Variants in MCTS1 observed in about 807,000 individuals in gnomAD.
MCTS1 encodes malignant T-cell-amplified sequence 1.
For synonymous variants in MCTS1, 26 were observed against 40.8 expected, an observed-to-expected ratio of 0.64 and a Z score of 1.38; for missense variants, 55 against 128.6, an observed-to-expected ratio of 0.43 and a Z score of 2.77.
chrX:120,606,694 G>A (rs1926540630), intron 3 of MCTS1, among the ~76,000 whole-genome samples: 2 of 102,137 alleles, frequency 2.0e-5, no homozygotes, highest in South Asian at 4.6e-4. Flanking sequence ...TGAGGCAGGA[G>A]AATCACTTCA....
At chrX:120,604,757 C>G in intron 1 of MCTS1, 2 of 1,082,651 alleles carry the variant, frequency 1.8e-6, no homozygotes, top group Non-Finnish European at 2.4e-6. Flanking sequence ...ACGATTGCCC[C>G]ATAGGCTATT....
rs956454980 is a variant in MCTS1, at chrX:120,616,061, TAATA to T, written c.*3802_*3805del. 1.8e-5 allele frequency among the ~76,000 whole-genome samples: 2 copies of T among 112,829 alleles called. No individual in the cohort carries two copies. The highest frequency in any genetic ancestry group is 3.7e-5 in the Non-Finnish European group (2 of 53,400). On this transcript the variant is annotated 3_prime_UTR_variant, in exon 6 of 6. Coordinates refer to ENST00000371317, the MANE Select transcript of MCTS1 (RefSeq NM_014060.3). ...CTAAATTCGTGGAGGTGTTTCATTA[TAATA>T]AATATGTCACTTATTAATAATGTAG...
At chrX:120,606,214 C>A in intron 3 of MCTS1, 38 bp downstream of exon 3, 2 of 807,814 alleles carry the variant, frequency 2.5e-6, no homozygotes, top group Non-Finnish European at 3.5e-6. Flanking sequence ...AAATTTTACT[C>A]CTATTGCAAT....
chrX:120,615,401 G>A lies in MCTS1; in HGVS notation c.*3137G>A, dbSNP rs185828504. 1.8e-5 allele frequency among the ~76,000 whole-genome samples: 2 copies of A among 111,502 alleles called. No individual in the cohort carries two copies. The highest frequency in any genetic ancestry group is 3.8e-5 in the Non-Finnish European group (2 of 53,115). On this transcript the variant is annotated 3_prime_UTR_variant, in exon 6 of 6. Coordinates refer to ENST00000371317, the MANE Select transcript of MCTS1 (RefSeq NM_014060.3). ...TAGGTATTTATTGAGTATCTACTAG[G>A]TTCTAAGTGACGTGGCATGAAGATG... is the stretch of plus-strand genomic sequence containing the variant.
chrX:120,609,921 G>C (rs943492506), intron 4 of MCTS1, among the ~76,000 whole-genome samples: 2 of 112,065 alleles, frequency 1.8e-5, no homozygotes, highest in Non-Finnish European at 3.8e-5. Flanking sequence ...AACTTCATAT[G>C]TTAACCAAGA....
At chrX:120,608,510 G>A in intron 4 of MCTS1, 152 bp downstream of exon 4, 1 of 619,505 alleles carries the variant, frequency 1.6e-6, no homozygotes, top group Non-Finnish European at 2.3e-6. Context: ...ATTTGAAGTT[G>A]TACAAAGTAA....
At chrX:120,606,308 G>T (rs1425763316) in intron 3 of MCTS1, 132 bp downstream of exon 3, 2 of 342,531 alleles carry the variant, frequency 5.8e-6, no homozygotes, top group Non-Finnish European at 1.0e-5. Context: ...ATGCATTTGG[G>T]AATACTGAAA....
At chrX:120,606,722 T>C (rs778030931) in intron 3 of MCTS1, among the ~76,000 whole-genome samples, 5 of 101,685 alleles carry the variant, frequency 4.9e-5, no homozygotes, top group Admixed American at 2.3e-4. Context: ...AGGCGGAGGT[T>C]GCAGTGAGCA....
intron 1 of MCTS1, chrX:120,604,882 T>A: frequency 8.7e-7 from 1 of 1,153,463 alleles, no homozygotes; most frequent in East Asian, 3.3e-5. Context: ...GTTTTGTGCA[T>A]GAAATTTTGA....
rs1475561929 is a variant in MCTS1, at chrX:120,614,518, G to T, written c.*2254G>T. Among the ~76,000 whole-genome samples the T allele has an allele frequency of 2.7e-5, 3 of 111,725 alleles. No homozygotes were observed. The highest frequency in any genetic ancestry group is 5.6e-5 in the Non-Finnish European group (3 of 53,159). On this transcript the variant is annotated 3_prime_UTR_variant, in exon 6 of 6. Transcript: ENST00000371317. ...CCTTATGTTATGACAGTTTTATTCT[G>T]CAGCTTACCATATTATTTATTCCTG...
chrX:120,608,182 T>C, intron 3 of MCTS1, 43 bp from the exon 4 acceptor site: 1 of 1,020,164 alleles, frequency 9.8e-7, no homozygotes, highest in Non-Finnish European at 1.3e-6. Flanking sequence ...TTCTGTTGAG[T>C]CATTAGTCTT....
At position 120,616,867 on chromosome X, in the gene MCTS1, A is replaced by G. The variant is rs1926868959; in HGVS notation, c.*4603A>G. On this transcript the variant is annotated 3_prime_UTR_variant, in exon 6 of 6. Coordinates refer to ENST00000371317, the MANE Select transcript of MCTS1 (RefSeq NM_014060.3). ...TGACATGCCTCACTATTAATGTCCA[A>G]TTCTAATTAATGGATTGTTTTAGAA... is the stretch of plus-strand genomic sequence containing the variant. Among the ~76,000 whole-genome samples, 1 of 112,476 alleles carries G rather than the reference A, an allele frequency of 8.9e-6. No homozygotes were observed. Among genetic ancestry groups the G allele is most frequent in the Admixed American group, 9.5e-5 (1 of 10,555 alleles).
At position 120,612,635 on chromosome X, in the gene MCTS1, C is replaced by T. The variant is rs1472558530; in HGVS notation, c.*371C>T. On this transcript the variant is annotated 3_prime_UTR_variant, in exon 6 of 6. Coordinates refer to ENST00000371317, the MANE Select transcript of MCTS1 (RefSeq NM_014060.3). ...GACTAGGAATTTTATTCTATTACTC[C>T]AGGGGACCCAGCAGTGCTCATTCTC... Among the ~76,000 whole-genome samples the T allele has an allele frequency of 2.8e-5, 3 of 107,600 alleles. No individual in the cohort carries two copies. The highest frequency in any genetic ancestry group is 3.8e-5 in the Non-Finnish European group (2 of 52,136). 93.4% of individuals were successfully genotyped at this position (107,600 alleles called of 115,157 possible). A position where few individuals can be genotyped will look rare whatever the true frequency, so the allele number is the denominator to read the frequency against.
intron 3 of MCTS1, among the ~76,000 whole-genome samples, chrX:120,607,011 T>G (rs148254634): frequency 1.7e-3 from 176 of 105,605 alleles, no homozygotes; most frequent in African/African-American, 4.7e-3. Flanking sequence ...TTGTATCTAT[T>G]TGCCTAATAG....
At chrX:120,610,758 G>T (rs926296290) in intron 4 of MCTS1, 17 of 299,211 alleles carry the variant, frequency 5.7e-5, no homozygotes, top group Non-Finnish European at 9.5e-5. Context: ...GTTAGCATGG[G>T]GTTATAGTAT....
At chrX:120,605,258 G>A (rs1003961312) in intron 1 of MCTS1, 149 bp from the exon 2 acceptor site, 1 of 518,085 alleles carries the variant, frequency 1.9e-6, no homozygotes. Context: ...AAGGGAGATG[G>A]TATTTTTTTT....
intron 5 of MCTS1, 34 bp from the exon 6 acceptor site, chrX:120,612,149 A>G: frequency 1.9e-6 from 2 of 1,028,297 alleles, no homozygotes; most frequent in Non-Finnish European, 2.7e-6. Flanking sequence ...AAAATGCATA[A>G]AAGTATGTTT....
chrX:120,616,093 A>G lies in MCTS1; in HGVS notation c.*3829A>G, dbSNP rs1926844500. On this transcript the variant is annotated 3_prime_UTR_variant, in exon 6 of 6. Transcript: ENST00000371317. ...TATGTCACTTATTAATAATGTAGCAATTATATATTAATGGAAATATGAATG... is the reference window on the plus strand; with the variant it reads ...TATGTCACTTATTAATAATGTAGCAGTTATATATTAATGGAAATATGAATG... Among the ~76,000 whole-genome samples the G allele has an allele frequency of 1.8e-5, 2 of 112,762 alleles. No individual in the cohort carries two copies. The highest frequency in any genetic ancestry group is 6.4e-5 in the African/African-American group (2 of 31,122).
At chrX:120,612,142 A>C in intron 5 of MCTS1, 41 bp from the exon 6 acceptor site, 1 of 970,036 alleles carries the variant, frequency 1.0e-6, no homozygotes, top group South Asian at 2.0e-5. Context: ...GACTATAAAA[A>C]TGCATAAAAG....
Sources: gnomAD v4.1 joint callset for allele counts (sites outside exome capture counted in the v4.1 genomes callset) on GRCh38, gnomAD v4.1.1 for gene constraint, MANE v1.5 for transcripts, NCBI Gene and HGNC (gene_info 2026-07-23, HGNC 2026-07-21) for gene names.